DYNC2H1: variants seen among roughly 807,000 people sequenced by gnomAD.
The protein encoded by DYNC2H1 is dynein cytoplasmic 2 heavy chain 1, also known as cytoplasmic dynein 2 heavy chain 1.
In DYNC2H1, 410 loss-of-function variants were observed where a neutral mutation model predicts 570.0. The observed-to-expected ratio is 0.72, with a 90% CI of 0.66 to 0.78. The LOEUF (loss-of-function observed/expected upper bound fraction) is 0.78. Among genes scored for constraint, DYNC2H1 ranks in the 30% least tolerant of loss-of-function variants. The probability of loss-of-function intolerance (pLI) is 0.00; values close to 1 mark genes in which losing one functional copy is unlikely to be tolerated. For missense variants in DYNC2H1, 4,865 were observed against 5,046.4 expected (o/e 0.96, Z 1.09); for synonymous variants, 1,688 against 1,677.6 (o/e 1.01, Z -0.15).
At chr11:103,114,072 A>G (rs773169868) in intron 2 of DYNC2H1, 31 bp from the exon 3 acceptor site, 2 of 1,600,204 alleles carry the variant, frequency 1.2e-6, no homozygotes, top group South Asian at 1.1e-5. Flanking sequence ...ATTTTGATCA[A>G]TCTTGGTTGC....
At chr11:103,116,420 G>A in intron 4 of DYNC2H1, 150 bp from the exon 5 acceptor site, 1 of 444,074 alleles carries the variant, frequency 2.3e-6, no homozygotes. Flanking sequence ...ATTTGCATAT[G>A]GAAGTAGTTA....
intron 82 of DYNC2H1, among the ~76,000 whole-genome samples, chr11:103,345,580 A>G (rs1347745445): frequency 6.6e-6 from 1 of 152,170 alleles, no homozygotes; most frequent in Non-Finnish European, 1.5e-5. Context: ...GACAGTATGC[A>G]TCTTTCCATG....
intron 79 of DYNC2H1, among the ~76,000 whole-genome samples, chr11:103,316,312 ATAAC>A (rs1029237765): frequency 1.3e-5 from 2 of 152,078 alleles, no homozygotes; most frequent in East Asian, 1.9e-4. Flanking sequence ...GTGTTGCCAC[ATAAC>A]TAACTAAAAC....
intron 82 of DYNC2H1, among the ~76,000 whole-genome samples, chr11:103,341,906 T>A (rs1434110212): frequency 6.6e-6 from 1 of 152,214 alleles, no homozygotes; most frequent in East Asian, 1.9e-4. Flanking sequence ...CATTGTAGGC[T>A]ATTTCCAGAA....
chr11:103,180,034 G>T (rs1861786083), intron 39 of DYNC2H1, among the ~76,000 whole-genome samples: 1 of 151,336 alleles, frequency 6.6e-6, no homozygotes, highest in African/African-American at 2.4e-5. Context: ...TTATTTAGTT[G>T]TTTACTTTTT....
At chr11:103,361,625 G>C (rs147742083) in intron 83 of DYNC2H1, among the ~76,000 whole-genome samples, 1 of 152,012 alleles carries the variant, frequency 6.6e-6, no homozygotes, top group Admixed American at 6.6e-5. Flanking sequence ...AGTAAGGAGA[G>C]CATTCAGGAA....
At chr11:103,293,647 C>G (rs11501360) in intron 75 of DYNC2H1, among the ~76,000 whole-genome samples, 25,048 of 151,780 alleles carry the variant, frequency 0.17, 2,241 homozygotes, top group Admixed American at 0.25. Context: ...TTCATGTTTT[C>G]AAACTCACTA....
At chr11:103,433,980 A>C (rs940750437) in intron 84 of DYNC2H1, among the ~76,000 whole-genome samples, 1 of 152,150 alleles carries the variant, frequency 6.6e-6, no homozygotes, top group Non-Finnish European at 1.5e-5. Context: ...AAGGAAGTTC[A>C]TGTTTCCCGT....
intron 84 of DYNC2H1, among the ~76,000 whole-genome samples, chr11:103,412,417 C>CAT (rs1190239419): frequency 6.6e-6 from 1 of 152,062 alleles, no homozygotes; most frequent in East Asian, 1.9e-4. Flanking sequence ...CATGTTAGAA[C>CAT]ATAGACTTTA....
intron 28 of DYNC2H1, among the ~76,000 whole-genome samples, chr11:103,160,368 A>G (rs1255124380): frequency 6.6e-6 from 1 of 152,128 alleles, no homozygotes; most frequent in Non-Finnish European, 1.5e-5. Flanking sequence ...TTACGAATAA[A>G]GCTGTTGTAA....
At chr11:103,375,113 C>G (rs866492162) in intron 83 of DYNC2H1, among the ~76,000 whole-genome samples, 3 of 152,190 alleles carry the variant, frequency 2.0e-5, no homozygotes, top group Non-Finnish European at 2.9e-5. Context: ...AAAAAGGGGT[C>G]AAGGTACAGC....
At chr11:103,357,429 A>T (rs1158327276) in intron 82 of DYNC2H1, among the ~76,000 whole-genome samples, 2 of 152,234 alleles carry the variant, frequency 1.3e-5, no homozygotes, top group Non-Finnish European at 2.9e-5. Context: ...AATGTAGAGC[A>T]TTAAAACATT....
intron 88 of DYNC2H1, among the ~76,000 whole-genome samples, chr11:103,477,832 CAAAAAAAA>C (rs55817710): frequency 1.4e-5 from 1 of 72,620 alleles, no homozygotes; most frequent in Admixed American, 2.0e-4. Flanking sequence ...CTCCCCATCT[CAAAAAAAA>C]AAAAAAAAAA....
At chr11:103,322,571 T>C (rs985948880) in intron 81 of DYNC2H1, among the ~76,000 whole-genome samples, 1 of 152,138 alleles carries the variant, frequency 6.6e-6, no homozygotes, top group African/African-American at 2.4e-5. Flanking sequence ...ACGTGGTATA[T>C]ATATATTTTT....
intron 76 of DYNC2H1, 49 bp from the exon 77 acceptor site, chr11:103,304,546 A>T: frequency 6.3e-7 from 1 of 1,585,108 alleles, no homozygotes; most frequent in East Asian, 2.3e-5. Flanking sequence ...ATATTACAAC[A>T]TGTTAGCAGA....
intron 18 of DYNC2H1, among the ~76,000 whole-genome samples, chr11:103,143,666 T>C (rs1436275851): frequency 6.6e-6 from 1 of 152,152 alleles, no homozygotes; most frequent in East Asian, 1.9e-4. Context: ...ATGTTTGATA[T>C]GCATTGGCAC....
intron 83 of DYNC2H1, among the ~76,000 whole-genome samples, chr11:103,399,308 A>G (rs75781864): frequency 3.2e-5 from 3 of 94,366 alleles, no homozygotes; most frequent in Non-Finnish European, 6.0e-5. Context: ...ATATTCGGCT[A>G]ATTTTTTTTT....
In DYNC2H1 at chr11:103,219,785, C is replaced by T. The variant is rs1292447564; in HGVS notation, c.8833-130C>T. 1.3e-5 allele frequency: 7 copies of T among 559,916 alleles called. No individual in the cohort carries two copies. The East Asian group carries it at 2.6e-4, about 21-fold the overall frequency. 34.7% of individuals were successfully genotyped at this position (559,916 alleles called of 1,614,324 possible). On this transcript the variant is annotated intron_variant, in intron 55 of 88. Transcript: ENST00000375735. Reference sequence around the variant, plus strand: ...CCAGGCATTTTGGAAACTCTCTTGTCATAGATTCAAAACTAGTATTAGGAA... The same window carrying T: ...CCAGGCATTTTGGAAACTCTCTTGTTATAGATTCAAAACTAGTATTAGGAA...
At chr11:103,351,647 CAT>C (rs918270384) in intron 82 of DYNC2H1, among the ~76,000 whole-genome samples, 1 of 151,958 alleles carries the variant, frequency 6.6e-6, no homozygotes, top group Non-Finnish European at 1.5e-5. Context: ...ATGGTTGAAC[CAT>C]ATATTCAGTG....
Sources: gnomAD v4.1 joint callset for allele counts (sites outside exome capture counted in the v4.1 genomes callset) on GRCh38, gnomAD v4.1.1 for gene constraint, MANE v1.5 for transcripts, NCBI Gene and HGNC (gene_info 2026-07-23, HGNC 2026-07-21) for gene names.